TTN: variants seen among roughly 807,000 people sequenced by gnomAD.
TTN encodes the protein connectin.
A neutral mutation model predicts 3,223.0 loss-of-function variants in TTN; 1,525 were observed. The ratio of observed to expected loss-of-function variants is 0.47; its 90% confidence interval spans 0.45 to 0.49. The LOEUF (loss-of-function observed/expected upper bound fraction) is 0.49. Among genes scored for constraint, TTN ranks in the 20% least tolerant of loss-of-function variants. The pLI is 0.00. For missense variants in TTN, 40,786 were observed against 43,424.0 expected (o/e 0.94, Z 5.40); for synonymous variants, 14,094 against 15,161.0 (o/e 0.93, Z 5.17).
Position 178,614,373 on chromosome 2 carries a change from A to G in TTN, c.49049-25T>C, listed in dbSNP as rs77072635. ...TCTGTGTATGGCATTACAGATGCAG[A>G]AAAAAAAATTGTTCACCATTTTTTT... On this transcript the variant is annotated intron_variant, in intron 261 of 362. Transcript: ENST00000589042. The G allele has an allele frequency of 5.7e-6, 9 of 1,577,074 alleles. No individual in the cohort carries two copies. In the Admixed American group the frequency reaches 1.6e-4, roughly 29 times the overall value.
At chr2:178,690,458 T>G (rs1195978418) in intron 121 of TTN, among the ~76,000 whole-genome samples, 2 of 152,184 alleles carry the variant, frequency 1.3e-5, no homozygotes, top group Non-Finnish European at 2.9e-5. Context: ...TGTTAATGAC[T>G]TTACAGAGCT....
rs1038709589 is a variant in TTN at position 178,696,177 on chromosome 2, C to T, written c.30895G>A (p.Val10299Met). ...TGGACTGCTTGCTTTTTCTCATACA[C>T]AGCTTCTTTTTCTTTCTGAACCTCT... ...KKEVQKEKEA[V>M]YEKKQAVHKE... The change falls in exon 114 of 363, where the codon GTG becomes ATG. Residue 10299 changes from valine to methionine, a missense_variant. By Grantham distance (21) the Val-to-Met change is conservative. Coordinates refer to ENST00000589042, the MANE Select transcript of TTN (RefSeq NM_001267550.2). 3.8e-6 allele frequency: 6 copies of T among 1,558,784 alleles called. No individual in the cohort carries two copies. The African/African-American group carries it at 4.1e-5, about 11-fold the overall frequency.
chr2:178,586,826 T>A lies in TTN; in HGVS notation c.64094-19A>T. ...GGCTCACCTAGAAGAAAAACATAATTTAGAAGATTACCTAGGTAACCTAAT... is the reference window on the plus strand; with the variant it reads ...GGCTCACCTAGAAGAAAAACATAATATAGAAGATTACCTAGGTAACCTAAT... On this transcript the variant is annotated intron_variant, in intron 307 of 362. Transcript: ENST00000589042. 6.2e-7 allele frequency: 1 copy of A among 1,602,906 alleles called. No homozygotes were observed.
At position 178,565,168 on chromosome 2, in the gene TTN, G is replaced by A. The variant is rs755899399; in HGVS notation, c.80964C>T (p.Asp26988=). ...GAGGTTCCCAAGATATGACTACAAA[G>A]TCTGCACTAACTTCATCAAACCGAA... ...GPVRFDEVSA[D]FVVISWEPPA... is the part of the protein sequence containing the mutation. The change falls in exon 326 of 363, where the codon GAC becomes GAT. Residue 26988 remains aspartate (D), a synonymous_variant. Coordinates refer to ENST00000589042, the MANE Select transcript of TTN (RefSeq NM_001267550.2). The A allele has an allele frequency of 3.7e-6, 6 of 1,613,442 alleles. No homozygotes were observed. Among genetic ancestry groups the A allele is most frequent in the Non-Finnish European group, 5.1e-6 (6 of 1,179,608 alleles).
At chr2:178,746,487 G>T in intron 47 of TTN, 2 of 1,612,934 alleles carry the variant, frequency 1.2e-6, no homozygotes, top group East Asian at 2.2e-5. Flanking sequence ...TGAGGAGAAG[G>T]TGTTCTTGAT....
rs2154164114 is a variant in TTN, at chr2:178,565,138, G to A, written c.80994C>T (p.Ala26998=). The stretch of plus-strand genomic sequence containing the variant: ...TGCTTATTTGGCAGCCACCAGTATA[G>A]GCTGGAGGTTCCCAAGATATGACTA... ...DFVVISWEPP[A]YTGGCQISNY... is the part of the protein sequence containing the mutation. The change falls in exon 326 of 363, where the codon GCC becomes GCT. Residue 26998 remains alanine, a synonymous_variant. Transcript: ENST00000589042. 1 of 1,613,422 alleles carries A rather than the reference G, an allele frequency of 6.2e-7. No homozygotes were observed. Among genetic ancestry groups the A allele is most frequent in the East Asian group, 2.2e-5 (1 of 44,824 alleles).
In TTN at chr2:178,561,670, G is replaced by A. The variant is rs1703705150; in HGVS notation, c.84462C>T (p.Pro28154=). ...CTTTAGGAGTACCAGGAGGACCTGG[G>A]GGACTGAATGGATACTCTGCAACAA... ...SAVVAEYPFS[P]PGPPGTPKVV... is the part of the protein sequence containing the mutation. Residue 28154 remains proline, a synonymous_variant, in exon 326 of 363, where the codon CCC becomes CCT. Coordinates refer to ENST00000589042, the MANE Select transcript of TTN (RefSeq NM_001267550.2). 3 of 1,606,654 alleles carry A rather than the reference G, an allele frequency of 1.9e-6. No homozygotes were observed. Among genetic ancestry groups the A allele is most frequent in the African/African-American group, 2.7e-5 (2 of 74,806 alleles).
chr2:178,743,890 A>C (rs1286567803), intron 47 of TTN, among the ~76,000 whole-genome samples: 1 of 152,006 alleles, frequency 6.6e-6, no homozygotes, highest in Non-Finnish European at 1.5e-5. Flanking sequence ...GTTCTACAAT[A>C]GTGTATCTAT....
intron 221 of TTN, 63 bp downstream of exon 221, chr2:178,640,478 G>T: frequency 7.2e-7 from 1 of 1,390,522 alleles, no homozygotes; most frequent in South Asian, 1.2e-5. Flanking sequence ...TCAGTGTAAT[G>T]ATATTTTAAA....
In TTN at chr2:178,562,577, G is replaced by T. The variant is rs541476378; in HGVS notation, c.83555C>A (p.Ala27852Asp). 6.2e-7 allele frequency: 1 copy of T among 1,610,838 alleles called. No homozygotes were observed. Among genetic ancestry groups the T allele is most frequent in the African/African-American group, 1.3e-5 (1 of 74,766 alleles). The change falls in exon 326 of 363, where the codon GCT (alanine) becomes GAT (aspartate). Residue 27852 changes from alanine (A) to aspartate (D), a missense_variant. Ala to Asp is a moderately radical substitution (Grantham distance 126). Transcript: ENST00000589042. ...ASNEYGIGLPAETTEPVKVSE... is the reference protein window; with the variant it reads ...ASNEYGIGLPDETTEPVKVSE... ...CACTTTAACGGGTTCTGTTGTTTCAGCTGGCAAACCAATCCCATATTCATT... is the reference window on the plus strand; with the variant it reads ...CACTTTAACGGGTTCTGTTGTTTCATCTGGCAAACCAATCCCATATTCATT...
intron 250 of TTN, 23 bp downstream of exon 250, chr2:178,619,598 T>C (rs546533697): frequency 6.2e-7 from 1 of 1,603,360 alleles, no homozygotes; most frequent in African/African-American, 1.3e-5. Context: ...ATTGGAAGGA[T>C]ATTTTAAAAT....
In TTN at chr2:178,611,652, T is replaced by TA; in HGVS notation, c.50576dup (p.His16860ThrfsTer4). Reference sequence around the variant, plus strand: ...GTTTTCTCCCAGCATCAGTCACATGTAGGTCAAGGGGTGGTGAGGGAGGAC... The same window carrying TA: ...GTTTTCTCCCAGCATCAGTCACATGTAAGGTCAAGGGGTGGTGAGGGAGGAC... On this transcript the variant is annotated frameshift_variant, in exon 269 of 363. Coordinates refer to ENST00000589042, the MANE Select transcript of TTN (RefSeq NM_001267550.2). LOFTEE classifies it high-confidence loss of function. 6.2e-7 allele frequency: 1 copy of TA among 1,613,002 alleles called. No individual in the cohort carries two copies.
At chr2:178,600,794 T>C (rs1310382934) in intron 288 of TTN, 60 bp downstream of exon 288, 2 of 1,596,758 alleles carry the variant, frequency 1.3e-6, no homozygotes, top group Admixed American at 3.3e-5. Context: ...TGAACTATTA[T>C]TGAACACCTA....
At chr2:178,714,765 G>A (rs1198076996) in intron 90 of TTN, among the ~76,000 whole-genome samples, 192 bp from the exon 91 acceptor site, 2 of 152,092 alleles carry the variant, frequency 1.3e-5, no homozygotes, top group Non-Finnish European at 2.9e-5. Flanking sequence ...ATCTACTCCA[G>A]CTTTCTTAAT....
At position 178,617,026 on chromosome 2, in the gene TTN, A is replaced by AAAGTT. The variant is rs1559835777; in HGVS notation, c.47876-18_47876-14dup. 1 of 1,612,172 alleles carries AAAGTT rather than the reference A, an allele frequency of 6.2e-7. No individual in the cohort carries two copies. The highest frequency in any genetic ancestry group is 1.3e-5 in the African/African-American group (1 of 74,884). ...ATTGTTGGTTCAACTACAAAGAAGA[A>AAAGTT]AAGTTAATGAGTTTGCAGTGCCATA... On this transcript the variant is annotated splice_polypyrimidine_tract_variant and intron_variant, in intron 255 of 362. Transcript: ENST00000589042.
In TTN at chr2:178,649,898, G is replaced by A. The variant is rs754585674; in HGVS notation, c.39818-4C>T. The A allele has an allele frequency of 1.9e-6, 3 of 1,599,450 alleles. No individual in the cohort carries two copies. Among genetic ancestry groups the A allele is most frequent in the Admixed American group, 3.6e-5 (2 of 55,476 alleles). ...ATCTTCTTGGGCTCTTCAGGCACTT[G>A]AATAATAGGAATTTCTTTTAGAATT... On this transcript the variant is annotated splice_region_variant and splice_polypyrimidine_tract_variant and intron_variant, in intron 210 of 362. Coordinates refer to ENST00000589042, the MANE Select transcript of TTN (RefSeq NM_001267550.2).
In TTN at chr2:178,528,523, C is replaced by T; in HGVS notation, c.107223+5G>A. 1 of 1,601,576 alleles carries T rather than the reference C, an allele frequency of 6.2e-7. No homozygotes were observed. The highest frequency in any genetic ancestry group is 8.5e-7 in the Non-Finnish European group (1 of 1,172,852). Reference sequence around the variant, plus strand: ...CTTCAATAATATATTCATAATTAAACTTACTGGCAGGTTGTTTTTAAACCA... The same window carrying T: ...CTTCAATAATATATTCATAATTAAATTTACTGGCAGGTTGTTTTTAAACCA... On this transcript the variant is annotated splice_donor_5th_base_variant and intron_variant, in intron 360 of 362. Transcript: ENST00000589042.
At position 178,740,533 on chromosome 2, in the gene TTN, G is replaced by C; in HGVS notation, c.12700C>G (p.Leu4234Val). ...GATACTGTCTTTTCTTTTGGTGAAA[G>C]TACTTCCTCAGCCACAGAGGTTAGA... ...SYLTSVAEEVLSPKEKTVSDT... is the reference protein window; with the variant it reads ...SYLTSVAEEVVSPKEKTVSDT... Residue 4234 changes from leucine to valine, a missense_variant, in exon 48 of 363, where the codon CTT becomes GTT. Physicochemically the swap from Leu to Val is conservative, Grantham distance 32. Coordinates refer to ENST00000589042, the MANE Select transcript of TTN (RefSeq NM_001267550.2). 1 of 1,613,798 alleles carries C rather than the reference G, an allele frequency of 6.2e-7. No homozygotes were observed. The highest frequency in any genetic ancestry group is 8.5e-7 in the Non-Finnish European group (1 of 1,179,812).
At position 178,766,582 on chromosome 2, in the gene TTN, A is replaced by C. The variant is rs746038856; in HGVS notation, c.9502T>G (p.Phe3168Val). The C allele has an allele frequency of 1.2e-6, 2 of 1,614,034 alleles. No individual in the cohort carries two copies. Among genetic ancestry groups the C allele is most frequent in the Admixed American group, 3.3e-5 (2 of 60,004 alleles). Residue 3168 changes from phenylalanine to valine, a missense_variant, in exon 41 of 363, where the codon TTT becomes GTT. Transcript: ENST00000589042. ...TCAACATCGTCTTCATTGACCTCAA[A>C]TTCAACAACAGCACGCTGTTTCTCA... ...VIEKQRAVVE[F>V]EVNEDDVDAH...
Sources: gnomAD v4.1 joint callset for allele counts (sites outside exome capture counted in the v4.1 genomes callset) on GRCh38, gnomAD v4.1.1 for gene constraint, MANE v1.5 for transcripts, NCBI Gene and HGNC (gene_info 2026-07-23, HGNC 2026-07-21) for gene names.